The following PPARGC1B variants were observed in gnomAD, a reference collection of about 807,000 sequenced individuals.
PPARGC1B encodes the protein PPARG coactivator 1 beta.
Under a neutral mutation model 101.6 loss-of-function variants are expected in PPARGC1B, and 34 were observed. The ratio of observed to expected loss-of-function variants is 0.33; its 90% CI spans 0.25 to 0.45. The LOEUF (loss-of-function observed/expected upper bound fraction) is 0.45, where lower values mean the gene tolerates loss of function less well. Among genes scored for constraint, PPARGC1B ranks in the 20% least tolerant of loss-of-function variants. PPARGC1B has a pLI of 1.00. For missense variants in PPARGC1B, 1,234 were observed against 1,317.6 expected, an observed-to-expected ratio of 0.94 and a Z score of 0.98; for synonymous variants, 548 against 539.3, an observed-to-expected ratio of 1.02 and a Z score of -0.22.
intron 1 of PPARGC1B, among the ~76,000 whole-genome samples, chr5:149,806,277 G>A (rs931410471): frequency 6.6e-6 from 1 of 152,206 alleles, no homozygotes; most frequent in Non-Finnish European, 1.5e-5. Flanking sequence ...ACAGCAAGGC[G>A]GCAGTCAGCT....
At chr5:149,737,465 T>C (rs1754762408) in intron 1 of PPARGC1B, among the ~76,000 whole-genome samples, 1 of 152,104 alleles carries the variant, frequency 6.6e-6, no homozygotes, top group African/African-American at 2.4e-5. Flanking sequence ...CCATGATTCA[T>C]CCTGCGAGCC....
intron 1 of PPARGC1B, among the ~76,000 whole-genome samples, chr5:149,770,670 C>CA (rs112574216): frequency 0.012 from 1,722 of 141,356 alleles, 18 homozygotes; most frequent in African/African-American, 0.027. Context: ...CTGTCTCTAC[C>CA]AAAAAAAAAA....
chr5:149,843,370 G>A (rs1055691294), intron 10 of PPARGC1B, among the ~76,000 whole-genome samples: 9 of 151,960 alleles, frequency 5.9e-5, no homozygotes, highest in Non-Finnish European at 1.0e-4. Flanking sequence ...TAAGTTATTC[G>A]GGTTTTTACA....
At chr5:149,817,031 C>T (rs902658090) in intron 1 of PPARGC1B, among the ~76,000 whole-genome samples, 2 of 152,200 alleles carry the variant, frequency 1.3e-5, no homozygotes, top group African/African-American at 4.8e-5. Context: ...TTCCTCCATC[C>T]CCCACCCCTG....
chr5:149,843,072 G>A (rs1759412605), intron 10 of PPARGC1B, among the ~76,000 whole-genome samples: 1 of 152,200 alleles, frequency 6.6e-6, no homozygotes, highest in South Asian at 2.1e-4. Context: ...GGAGGCTGAG[G>A]CAGGAGAATC....
chr5:149,830,608 A>C (rs1279358336), intron 3 of PPARGC1B, among the ~76,000 whole-genome samples, 159 bp from the exon 4 acceptor site: 2 of 152,310 alleles, frequency 1.3e-5, no homozygotes, highest in African/African-American at 2.4e-5. Context: ...ATCTGCACCT[A>C]GTATCTTGGG....
intron 1 of PPARGC1B, among the ~76,000 whole-genome samples, chr5:149,736,315 A>C (rs1033138332): frequency 2.0e-5 from 3 of 152,170 alleles, no homozygotes; most frequent in Admixed American, 6.5e-5. Context: ...CTCTCTTTGA[A>C]GCACTTTAGA....
rs144820430 is a variant in PPARGC1B at position 149,823,254 on chromosome 5, G to A, written c.252+2648G>A. On this transcript the variant is annotated intron_variant, in intron 2 of 11. Transcript: ENST00000309241. ...CATGTGAGGAATGAGGAAGGGGCGT[G>A]GACAAATCAATCTGTTGAGGCCGCA... Among the ~76,000 whole-genome samples, 367 of 152,292 alleles carry A rather than the reference G, an allele frequency of 2.4e-3. 1 individual carries two copies. Among genetic ancestry groups the A allele is most frequent in the Non-Finnish European group, 4.3e-3 (291 of 68,030 alleles).
At chr5:149,818,068 C>T (rs116531837) in intron 1 of PPARGC1B, among the ~76,000 whole-genome samples, 1,983 of 152,248 alleles carry the variant, frequency 0.013, 51 homozygotes, top group African/African-American at 0.045. Flanking sequence ...CCTGAGTTCC[C>T]GCAGCAGGGG....
intron 11 of PPARGC1B, 143 bp from the exon 12 acceptor site, chr5:149,847,315 C>T (rs1252369501): frequency 2.6e-6 from 2 of 778,830 alleles, no homozygotes; most frequent in African/African-American, 1.7e-5. Flanking sequence ...GCCCACAGTC[C>T]AGCGCTCATC....
Position 149,833,672 on chromosome 5 carries a change from C to A in PPARGC1B, c.1599C>A (p.Asp533Glu), listed in dbSNP as rs1282916150. Residue 533 changes from aspartate to glutamate, a missense_variant, in exon 5 of 12, where the codon GAC becomes GAA. Physicochemically the swap from Asp to Glu is conservative, Grantham distance 45. This residue lies in a region of PPARGC1B where 734 missense variants were observed against 768.4 expected (regional missense o/e 0.96). Coordinates refer to ENST00000309241, the MANE Select transcript of PPARGC1B (RefSeq NM_133263.4). This position sits in a 1 kb window ranked among gnomAD's most constrained non-coding sequence, Gnocchi z 4.1. Reference protein sequence around the residue: ...GSPTDEDSGQDQQLLRGPQIP... With the variant: ...GSPTDEDSGQEQQLLRGPQIP... ...CCACGGACGAGGACAGTGGCCAAGA[C>A]CAGCAGCTCCTACGGGGACCCCAGA... 6.2e-7 allele frequency: 1 copy of A among 1,609,926 alleles called. No individual in the cohort carries two copies. Among genetic ancestry groups the A allele is most frequent in the Non-Finnish European group, 8.5e-7 (1 of 1,178,490 alleles).
intron 11 of PPARGC1B, chr5:149,847,195 G>C: frequency 1.7e-6 from 1 of 588,998 alleles, no homozygotes; most frequent in Non-Finnish European, 3.1e-6. Flanking sequence ...GTTGGAGCTA[G>C]AAAGGCTCTG....
At chr5:149,780,616 G>C (rs73796257) in intron 1 of PPARGC1B, among the ~76,000 whole-genome samples, 1 of 152,228 alleles carries the variant, frequency 6.6e-6, no homozygotes, top group Non-Finnish European at 1.5e-5. Context: ...ATAATGTGAA[G>C]CATAGTTAAT....
At chr5:149,754,229 A>G (rs1232774085) in intron 1 of PPARGC1B, among the ~76,000 whole-genome samples, 1 of 152,036 alleles carries the variant, frequency 6.6e-6, no homozygotes, top group Non-Finnish European at 1.5e-5. Context: ...AACTCGTATC[A>G]GTTGTCGATT....
At chr5:149,793,179 G>A (rs1757086398) in intron 1 of PPARGC1B, among the ~76,000 whole-genome samples, 1 of 151,994 alleles carries the variant, frequency 6.6e-6, no homozygotes, top group South Asian at 2.1e-4. Flanking sequence ...CAGTCTGTGG[G>A]GGCAGCTGCT....
chr5:149,827,005 A>G, intron 3 of PPARGC1B, 120 bp downstream of exon 3: 2 of 795,954 alleles, frequency 2.5e-6, no homozygotes, highest in South Asian at 3.4e-5. Context: ...ATCACTGGCA[A>G]TATTGATCAC....
At chr5:149,743,334 T>G (rs980227704) in intron 1 of PPARGC1B, among the ~76,000 whole-genome samples, 16 of 152,132 alleles carry the variant, frequency 1.1e-4, no homozygotes, top group African/African-American at 3.9e-4. Flanking sequence ...TTTTGTATTT[T>G]TAGTGGAGAT....
intron 1 of PPARGC1B, among the ~76,000 whole-genome samples, chr5:149,783,510 C>T (rs1425558620): frequency 6.6e-6 from 1 of 152,074 alleles, no homozygotes; most frequent in Non-Finnish European, 1.5e-5. Flanking sequence ...GAGTCCACAC[C>T]GTCCAGTCAG....
At chr5:149,811,485 T>TA (rs1757864351) in intron 1 of PPARGC1B, among the ~76,000 whole-genome samples, 1 of 152,242 alleles carries the variant, frequency 6.6e-6, no homozygotes, top group South Asian at 2.1e-4. Context: ...TGAAATTTTG[T>TA]AATTACACTA....
Sources: allele counts gnomAD v4.1 joint callset (sites outside exome capture counted in the v4.1 genomes callset), GRCh38; gene constraint gnomAD v4.1.1; regional missense constraint gnomAD v4.1.1; non-coding constraint Gnocchi (gnomAD v3.1); transcripts MANE v1.5; gene names NCBI Gene and HGNC (gene_info 2026-07-23, HGNC 2026-07-21).